ZNF892: variants seen among roughly 807,000 people sequenced by gnomAD.
ZNF892 encodes zinc finger protein 892.
chr2:95,256,735 ACATAGTCC>A, the ZNF892 span, among the ~76,000 whole-genome samples: 3 of 152,128 alleles, frequency 2.0e-5, no homozygotes, highest in Admixed American at 2.0e-4. Context: ...TGGTCTTTTC[ACATAGTCC>A]CATATTTCTT....
chr2:95,233,714 C>T, the ZNF892 span, among the ~76,000 whole-genome samples: 1 of 137,254 alleles, frequency 7.3e-6, no homozygotes, highest in African/African-American at 2.7e-5. Context: ...CGCTATGTTG[C>T]CCAAACTGCT....
the ZNF892 span, among the ~76,000 whole-genome samples, chr2:95,252,373 A>C: frequency 6.6e-6 from 1 of 151,894 alleles, no homozygotes; most frequent in African/African-American, 2.4e-5. Flanking sequence ...GCTGAGAATG[A>C]TGGTTTCCAG....
chr2:95,225,676 A>G, the ZNF892 span, among the ~76,000 whole-genome samples: 1 of 152,216 alleles, frequency 6.6e-6, no homozygotes, highest in African/African-American at 2.4e-5. Context: ...AAATACATTC[A>G]TTCCATCCCA....
At chr2:95,233,554 TC>T in the ZNF892 span, among the ~76,000 whole-genome samples, 2 of 149,060 alleles carry the variant, frequency 1.3e-5, no homozygotes, top group African/African-American at 4.9e-5. Context: ...GCGCCTGTAG[TC>T]CCAGCTACTC....
At chr2:95,250,655 CATAAATTATAAATTTATAAATATAAACT>C in the ZNF892 span, among the ~76,000 whole-genome samples, 1 of 133,650 alleles carries the variant, frequency 7.5e-6, no homozygotes, top group African/African-American at 2.8e-5. Context: ...ATAAACTATT[CATAAATTATAAATTTATAAATATAAACT>C]ATTCATAAAT....
chr2:95,225,841 T>G, the ZNF892 span, among the ~76,000 whole-genome samples: 3 of 152,270 alleles, frequency 2.0e-5, no homozygotes, highest in Middle Eastern at 3.4e-3. Context: ...GTTATGTGCT[T>G]CTGAAATACA....
the ZNF892 span, among the ~76,000 whole-genome samples, chr2:95,235,430 C>T: frequency 3.0e-4 from 45 of 150,498 alleles, 1 homozygote; most frequent in Non-Finnish European, 5.6e-4. Context: ...GGCGCAATCT[C>T]GGCTCACTGC....
the ZNF892 span, among the ~76,000 whole-genome samples, chr2:95,256,716 A>G: frequency 1.3e-5 from 2 of 152,298 alleles, no homozygotes; most frequent in African/African-American, 2.4e-5. Flanking sequence ...CACCAATCAG[A>G]CATAGATTTG....
chr2:95,229,950 A>G, the ZNF892 span, among the ~76,000 whole-genome samples: 1 of 152,148 alleles, frequency 6.6e-6, no homozygotes, highest in African/African-American at 2.4e-5. Context: ...AGTCTGTTAC[A>G]TTTTAACCAT....
the ZNF892 span, among the ~76,000 whole-genome samples, chr2:95,261,381 G>A: frequency 4.0e-5 from 6 of 151,020 alleles, no homozygotes; most frequent in South Asian, 4.2e-4. Flanking sequence ...TGCAACCTTC[G>A]CCCCCTGGGT....
the ZNF892 span, among the ~76,000 whole-genome samples, chr2:95,220,203 A>C: frequency 1.3e-5 from 2 of 152,166 alleles, no homozygotes; most frequent in African/African-American, 4.8e-5. Flanking sequence ...TGAGGGTGGA[A>C]GTATAGGCGT....
chr2:95,228,071 T>C, the ZNF892 span, among the ~76,000 whole-genome samples: 1 of 152,270 alleles, frequency 6.6e-6, no homozygotes, highest in African/African-American at 2.4e-5. Flanking sequence ...ACTGCATTTA[T>C]TTGTCCTGCC....
the ZNF892 span, chr2:95,215,449 C>T: frequency 4.5e-6 from 2 of 441,460 alleles, no homozygotes; most frequent in Non-Finnish European, 8.1e-6. Context: ...GGAGAAAAGC[C>T]CTACAAGTGT....
the ZNF892 span, among the ~76,000 whole-genome samples, chr2:95,220,092 GT>G: frequency 6.6e-6 from 1 of 152,184 alleles, no homozygotes; most frequent in Admixed American, 6.5e-5. Flanking sequence ...AGGGCAATGT[GT>G]GGGGAGGGGT....
chr2:95,250,081 A>G, the ZNF892 span, among the ~76,000 whole-genome samples: 1 of 152,264 alleles, frequency 6.6e-6, no homozygotes, highest in East Asian at 1.9e-4. Context: ...TTGTAGATAA[A>G]TCAGGCAATA....
chr2:95,247,378 C>T, the ZNF892 span, among the ~76,000 whole-genome samples: 1 of 152,084 alleles, frequency 6.6e-6, no homozygotes, highest in Non-Finnish European at 1.5e-5. Flanking sequence ...TAAAGATGTA[C>T]ATGTAAGACC....
the ZNF892 span, chr2:95,207,892 A>ATTTC: frequency 2.5e-6 from 1 of 398,486 alleles, no homozygotes; most frequent in Non-Finnish European, 4.4e-6. Flanking sequence ...AAAGGGAGAA[A>ATTTC]GGCTACCTCT....
the ZNF892 span, among the ~76,000 whole-genome samples, chr2:95,262,054 G>T: frequency 6.6e-6 from 1 of 152,214 alleles, no homozygotes; most frequent in African/African-American, 2.4e-5. Context: ...ACAAGTACAG[G>T]ATCCTATTTT....
At chr2:95,252,799 C>T in the ZNF892 span, among the ~76,000 whole-genome samples, 1 of 152,198 alleles carries the variant, frequency 6.6e-6, no homozygotes, top group Admixed American at 6.5e-5. Flanking sequence ...GAGATGGTAT[C>T]TCATTGTGGT....
Sources: gnomAD v4.1 joint callset for allele counts (sites outside exome capture counted in the v4.1 genomes callset) on GRCh38, gnomAD v4.1.1 for gene constraint, MANE v1.5 for transcripts, NCBI Gene and HGNC (gene_info 2026-07-23, HGNC 2026-07-21) for gene names.